LANCL2: variants seen among roughly 807,000 people sequenced by gnomAD.
LANCL2 encodes lanC-like protein 2.
LANCL2 carries 33 observed loss-of-function variants against 56.9 expected under a neutral mutation model. The ratio of observed to expected loss-of-function variants is 0.58; its 90% CI spans 0.44 to 0.78. LANCL2 has a LOEUF of 0.78. Among genes scored for constraint, LANCL2 ranks in the 30% least tolerant of loss-of-function variants. The pLI is 0.00. For missense variants in LANCL2, 562 were observed against 580.2 expected, an observed-to-expected ratio of 0.97 and a Z score of 0.32; for synonymous variants, 233 against 228.2, an observed-to-expected ratio of 1.02 and a Z score of -0.19.
chr7:55,367,147 C>T (rs1789883892), intron 1 of LANCL2, among the ~76,000 whole-genome samples: 2 of 152,136 alleles, frequency 1.3e-5, no homozygotes. Context: ...TGTCACCCTT[C>T]ACGGGCTATC....
Position 55,384,380 on chromosome 7 carries a change from C to T in LANCL2, c.205-7413C>T, listed in dbSNP as rs547982769. ...CATCCTGGCTAACACGGTGAAACCC[C>T]GTCTCTACTAAACATACAAAAATTA... On this transcript the variant is annotated intron_variant, in intron 1 of 8. Transcript: ENST00000254770. Among the ~76,000 whole-genome samples, 228 of 152,104 alleles carry T rather than the reference C, an allele frequency of 1.5e-3. 2 individuals carry two copies. The highest frequency in any genetic ancestry group is 4.9e-3 in the African/African-American group (203 of 41,504).
In LANCL2 at chr7:55,411,958, A is replaced by G; in HGVS notation, c.877A>G (p.Ile293Val). The G allele has an allele frequency of 6.2e-7, 1 of 1,614,242 alleles. No homozygotes were observed. Among genetic ancestry groups the G allele is most frequent in the Non-Finnish European group, 8.5e-7 (1 of 1,180,040 alleles). The change falls in exon 6 of 9, where the codon ATT (isoleucine) becomes GTT (valine). Residue 293 changes from isoleucine (I) to valine (V), a missense_variant. Around this residue, in one of 2 missense-constraint regions of LANCL2, gnomAD observed 378 missense variants for 468.4 expected, o/e 0.81. Coordinates refer to ENST00000254770, the MANE Select transcript of LANCL2 (RefSeq NM_018697.4). The stretch of plus-strand genomic sequence containing the variant: ...CTTGACAGAAATGGTGAAACCCAGT[A>G]TTGATTATGTGCGCCACAAAAAATT... ...ETLTEMVKPS[I>V]DYVRHKKFRS...
chr7:55,402,641 G>A (rs1790351238), intron 5 of LANCL2, among the ~76,000 whole-genome samples: 1 of 108,326 alleles, frequency 9.2e-6, no homozygotes, highest in Non-Finnish European at 1.9e-5. Context: ...CGGCTGGCTG[G>A]GCGGGGGGCT....
chr7:55,369,468 C>T (rs902773657), intron 1 of LANCL2, among the ~76,000 whole-genome samples: 9 of 152,160 alleles, frequency 5.9e-5, no homozygotes, highest in African/African-American at 1.9e-4. Flanking sequence ...GGCCATATTT[C>T]CATAAATTGG....
chr7:55,424,698 TG>T (rs1479291039), intron 6 of LANCL2, among the ~76,000 whole-genome samples: 1 of 152,214 alleles, frequency 6.6e-6, no homozygotes, highest in Non-Finnish European at 1.5e-5. Context: ...GCCCCCAGGC[TG>T]TGAATTGGTA....
chr7:55,378,794 C>A (rs1393344485), intron 1 of LANCL2, among the ~76,000 whole-genome samples: 5 of 152,098 alleles, frequency 3.3e-5, no homozygotes, highest in Non-Finnish European at 7.4e-5. Context: ...TAAATTCTGG[C>A]AAATATTAAA....
In LANCL2 at chr7:55,365,854, G is replaced by A; in HGVS notation, c.-172G>A. On this transcript the variant is annotated 5_prime_UTR_variant, in exon 1 of 9. Transcript: ENST00000254770. ...TCTGCGGCCGCCTGATGTGCGAGCA[G>A]CCCGCGACGAGGCAGTGCACGCTCA... 3 of 478,300 alleles carry A rather than the reference G, an allele frequency of 6.3e-6. No homozygotes were observed. Among genetic ancestry groups the A allele is most frequent in the East Asian group, 7.1e-5 (2 of 28,236 alleles). 29.6% of individuals were successfully genotyped at this position (478,300 alleles called of 1,614,324 possible).
intron 5 of LANCL2, among the ~76,000 whole-genome samples, chr7:55,410,359 A>G (rs1790457458): frequency 6.6e-6 from 1 of 152,248 alleles, no homozygotes; most frequent in African/African-American, 2.4e-5. Context: ...AAAAACACCT[A>G]AAGATTTTCT....
At chr7:55,390,403 C>T (rs890187791) in intron 1 of LANCL2, among the ~76,000 whole-genome samples, 5 of 152,126 alleles carry the variant, frequency 3.3e-5, no homozygotes, top group Non-Finnish European at 5.9e-5. Flanking sequence ...GTCAGGTGTT[C>T]AAGACCAGCC....
chr7:55,393,566 A>G (rs1308596815), intron 2 of LANCL2, among the ~76,000 whole-genome samples: 3 of 152,108 alleles, frequency 2.0e-5, no homozygotes, highest in South Asian at 2.1e-4. Flanking sequence ...AAAACCAAAA[A>G]AAAACAGCAT....
chr7:55,427,017 G>A (rs1219993168), intron 7 of LANCL2, among the ~76,000 whole-genome samples: 1 of 152,234 alleles, frequency 6.6e-6, no homozygotes, highest in East Asian at 1.9e-4. Context: ...TTCTGATAAG[G>A]AGAATAGCTT....
chr7:55,424,880 A>G (rs1416786205), intron 6 of LANCL2, among the ~76,000 whole-genome samples: 2 of 152,242 alleles, frequency 1.3e-5, no homozygotes, highest in Non-Finnish European at 2.9e-5. Flanking sequence ...AGCGAACCGT[A>G]TCGTGAACTG....
intron 6 of LANCL2, among the ~76,000 whole-genome samples, chr7:55,419,056 T>A (rs1433223773): frequency 6.6e-6 from 1 of 152,134 alleles, no homozygotes; most frequent in African/African-American, 2.4e-5. Flanking sequence ...TTTATGTTTC[T>A]TAGTACATAT....
intron 1 of LANCL2, among the ~76,000 whole-genome samples, chr7:55,388,518 C>T (rs1054083462): frequency 6.6e-6 from 1 of 152,166 alleles, no homozygotes; most frequent in African/African-American, 2.4e-5. Flanking sequence ...TGCATTCCAG[C>T]CTGGGCAACA....
At chr7:55,417,835 T>C (rs1040260078) in intron 6 of LANCL2, among the ~76,000 whole-genome samples, 1 of 152,012 alleles carries the variant, frequency 6.6e-6, no homozygotes, top group Non-Finnish European at 1.5e-5. Context: ...CCCACCACCA[T>C]ACCCGGCTAG....
intron 8 of LANCL2, 57 bp from the exon 9 acceptor site, chr7:55,431,169 C>T: frequency 8.0e-7 from 1 of 1,257,364 alleles, no homozygotes; most frequent in South Asian, 1.5e-5. Context: ...TTAAAAGTCA[C>T]TGTTATAGAC....
In LANCL2 at chr7:55,370,050, G is replaced by A. The variant is rs544250186; in HGVS notation, c.204+3821G>A. ...GGTTAGCTGGGTGGTTCTGGCTCAC[G>A]GTCTCTGGAGAAGCTGCACTCAAGC... On this transcript the variant is annotated intron_variant, in intron 1 of 8. Transcript: ENST00000254770. 4.6e-5 allele frequency among the ~76,000 whole-genome samples: 7 copies of A among 152,266 alleles called. No homozygotes were observed. The South Asian group carries it at 6.2e-4, about 14-fold the overall frequency.
chr7:55,422,942 C>T (rs1166589452), intron 6 of LANCL2, among the ~76,000 whole-genome samples: 4 of 152,194 alleles, frequency 2.6e-5, no homozygotes, highest in East Asian at 3.9e-4. Context: ...AGGTCGGGTG[C>T]GGTGGAACAG....
Position 55,399,972 on chromosome 7 carries a change from G to A in LANCL2, c.546G>A (p.Gln182=). 1 of 1,612,172 alleles carries A rather than the reference G, an allele frequency of 6.2e-7. No individual in the cohort carries two copies. Among genetic ancestry groups the A allele is most frequent in the Non-Finnish European group, 8.5e-7 (1 of 1,178,692 alleles). Residue 182 remains glutamine, a synonymous_variant, in exon 4 of 9, where the codon CAG becomes CAA. Transcript: ENST00000254770. ...QECVTKLLQL[Q]RSVVCQESDL... is the part of the protein sequence containing the mutation. ...TATTGGTTAGACTTTTGCAGCTCCA[G>A]AGATCGGTTGTCTGCCAAGAATCAG...
Sources: allele counts gnomAD v4.1 joint callset (sites outside exome capture counted in the v4.1 genomes callset), GRCh38; gene constraint gnomAD v4.1.1; regional missense constraint gnomAD v4.1.1; transcripts MANE v1.5; gene names NCBI Gene and HGNC (gene_info 2026-07-23, HGNC 2026-07-21).